The following GPHN variants were observed in gnomAD, a reference collection of about 807,000 sequenced individuals.
The protein encoded by GPHN is gephyrin.
GPHN carries 17 observed loss-of-function variants against 95.5 expected under a neutral mutation model. That is an observed-to-expected ratio of 0.18 (90% CI 0.12 to 0.27). The LOEUF is 0.27. Ranked by LOEUF, GPHN falls within the 10% of genes least tolerant of loss-of-function variation. GPHN has a pLI of 1.00. For synonymous variants in GPHN, 320 were observed against 322.5 expected, an observed-to-expected ratio of 0.99 and a Z score of 0.08; for missense variants, 660 against 978.1, an observed-to-expected ratio of 0.67 and a Z score of 4.34.
At chr14:67,367,393 G>A in the GPHN span, among the ~76,000 whole-genome samples, 4 of 152,074 alleles carry the variant, frequency 2.6e-5, no homozygotes, top group Non-Finnish European at 5.9e-5. Flanking sequence ...ACCATGCCCA[G>A]CTAATTTTTG....
chr14:66,742,728 C>T (rs1300619152), intron 2 of GPHN, among the ~76,000 whole-genome samples: 1 of 151,924 alleles, frequency 6.6e-6, no homozygotes, highest in Non-Finnish European at 1.5e-5. Flanking sequence ...GAATTTCTGG[C>T]CTTCATTTGT....
At chr14:67,436,371 C>T in the GPHN span, among the ~76,000 whole-genome samples, 5 of 152,158 alleles carry the variant, frequency 3.3e-5, no homozygotes, top group Admixed American at 2.0e-4. Flanking sequence ...TTTCTGCAGC[C>T]GTAAGGGAGA....
At chr14:67,648,201 C>CTGCAGCCTGTTA in the GPHN span, 1 of 1,607,896 alleles carries the variant, frequency 6.2e-7, no homozygotes, top group East Asian at 2.2e-5. Flanking sequence ...GCAACCAGGT[C>CTGCAGCCTGTTA]TGCAGCCTGT....
chr14:66,876,009 C>T (rs1256181697), intron 4 of GPHN, among the ~76,000 whole-genome samples: 1 of 152,144 alleles, frequency 6.6e-6, no homozygotes, highest in Non-Finnish European at 1.5e-5. Flanking sequence ...GGAAGTAAAA[C>T]ATTCCTCAGC....
the GPHN span, chr14:67,338,766 T>TA: frequency 6.2e-7 from 1 of 1,609,446 alleles, no homozygotes; most frequent in East Asian, 2.2e-5. Flanking sequence ...CTTTAACCTG[T>TA]AAAATACAGG....
chr14:66,703,492 A>C (rs191725982), intron 2 of GPHN, among the ~76,000 whole-genome samples: 2 of 152,368 alleles, frequency 1.3e-5, no homozygotes, highest in East Asian at 3.9e-4. Context: ...CCAATATTCA[A>C]CATTCTTAAA....
At chr14:66,782,860 AAAAG>A (rs749688567) in intron 3 of GPHN, among the ~76,000 whole-genome samples, 29 of 152,146 alleles carry the variant, frequency 1.9e-4, no homozygotes, top group Admixed American at 5.9e-4. Context: ...CAAAAAAACC[AAAAG>A]AAAGAAAGAA....
the GPHN span, among the ~76,000 whole-genome samples, chr14:67,207,460 G>A: frequency 6.6e-6 from 1 of 152,040 alleles, no homozygotes; most frequent in Non-Finnish European, 1.5e-5. Context: ...ATCTGCCCCC[G>A]AGACCTAAAC....
At chr14:66,596,158 G>T (rs1044211693) in intron 1 of GPHN, among the ~76,000 whole-genome samples, 2 of 151,988 alleles carry the variant, frequency 1.3e-5, no homozygotes, top group African/African-American at 2.4e-5. Flanking sequence ...CTGGCAGATT[G>T]TCCTGTCATC....
chr14:67,049,462 A>G (rs935194956), intron 10 of GPHN, among the ~76,000 whole-genome samples: 4 of 148,674 alleles, frequency 2.7e-5, no homozygotes, highest in Non-Finnish European at 5.9e-5. Context: ...ATGGCCCAAG[A>G]CAGTAAGAGG....
the GPHN span, among the ~76,000 whole-genome samples, chr14:67,409,773 A>C: frequency 6.6e-6 from 1 of 151,806 alleles, no homozygotes; most frequent in African/African-American, 2.4e-5. Context: ...GCCCTGCCCC[A>C]CCTCTGAGCT....
At chr14:67,438,469 G>T in the GPHN span, among the ~76,000 whole-genome samples, 2 of 147,970 alleles carry the variant, frequency 1.4e-5, no homozygotes, top group South Asian at 4.1e-4. Flanking sequence ...ATCCTAGCCA[G>T]CTATGTGACC....
At chr14:66,885,744 G>A (rs1021753149) in intron 5 of GPHN, among the ~76,000 whole-genome samples, 2 of 151,792 alleles carry the variant, frequency 1.3e-5, no homozygotes, top group Non-Finnish European at 2.9e-5. Flanking sequence ...AAGTCACTAT[G>A]CATGCCCAGA....
intron 1 of GPHN, among the ~76,000 whole-genome samples, chr14:66,617,317 G>C (rs1448150483): frequency 6.6e-6 from 1 of 152,232 alleles, no homozygotes; most frequent in African/African-American, 2.4e-5. Flanking sequence ...CAGAGCTCTG[G>C]GGTTGGGACG....
chr14:66,561,012 G>A (rs1003596461), intron 1 of GPHN, among the ~76,000 whole-genome samples: 3 of 152,100 alleles, frequency 2.0e-5, no homozygotes, highest in Non-Finnish European at 2.9e-5. Flanking sequence ...TGTGGTTTTT[G>A]TCTCTGGTTC....
At chr14:67,305,085 A>G in the GPHN span, among the ~76,000 whole-genome samples, 1 of 152,184 alleles carries the variant, frequency 6.6e-6, no homozygotes, top group Non-Finnish European at 1.5e-5. Flanking sequence ...CTTTGAATTT[A>G]AACAGCTTGA....
the GPHN span, among the ~76,000 whole-genome samples, chr14:67,432,429 C>A: frequency 6.6e-6 from 1 of 152,216 alleles, no homozygotes; most frequent in Non-Finnish European, 1.5e-5. Flanking sequence ...GAGAGACTTG[C>A]AGTTGGTCAG....
chr14:66,893,361 G>C (rs1000891724), intron 5 of GPHN, among the ~76,000 whole-genome samples: 3 of 152,088 alleles, frequency 2.0e-5, no homozygotes, highest in African/African-American at 7.2e-5. Flanking sequence ...GTGAGCTGAA[G>C]CAGGGTGAGG....
the GPHN span, among the ~76,000 whole-genome samples, chr14:67,341,724 C>T: frequency 3.9e-4 from 60 of 152,066 alleles, no homozygotes; most frequent in African/African-American, 1.4e-3. Context: ...ATGACAATGG[C>T]GGTTTTGTGG....
Sources: gnomAD v4.1 joint callset for allele counts (sites outside exome capture counted in the v4.1 genomes callset) on GRCh38, gnomAD v4.1.1 for gene constraint, MANE v1.5 for transcripts, NCBI Gene and HGNC (gene_info 2026-07-23, HGNC 2026-07-21) for gene names.